The following FAM53B variants were observed in gnomAD, a reference collection of about 807,000 sequenced individuals.
FAM53B encodes the protein protein FAM53B.
A neutral mutation model predicts 32.7 loss-of-function variants in FAM53B; 12 were observed. That is an observed-to-expected ratio of 0.37 (90% CI 0.24 to 0.59). The LOEUF is 0.59. Among genes scored for constraint, FAM53B ranks in the 20% least tolerant of loss-of-function variants. The probability of loss-of-function intolerance (pLI) is 0.72; values close to 1 mark genes in which losing one functional copy is unlikely to be tolerated. For missense variants in FAM53B, 477 were observed against 577.7 expected, an observed-to-expected ratio of 0.83 and a Z score of 1.79; for synonymous variants, 234 against 228.7, an observed-to-expected ratio of 1.02 and a Z score of -0.21.
In FAM53B at chr10:124,744,261, G is replaced by C. The variant is rs1046745796; in HGVS notation, c.-423C>G. 31 of 147,426 alleles carry C rather than the reference G, an allele frequency of 2.1e-4. No individual in the cohort carries two copies. The highest frequency in any genetic ancestry group is 7.3e-4 in the African/African-American group (30 of 40,974). The allele number at this position is 147,426 out of a possible 1,614,324, so 9.1% of individuals were successfully genotyped here. ...CGCCGCCGCGGAGCCGCCAGACCGCGGCTGCGTGAACTCGGCCCGGCGCTT... is the reference window on the plus strand; with the variant it reads ...CGCCGCCGCGGAGCCGCCAGACCGCCGCTGCGTGAACTCGGCCCGGCGCTT... On this transcript the variant is annotated 5_prime_UTR_variant, in exon 1 of 5. Transcript: ENST00000337318.
chr10:124,622,446 C>G lies in FAM53B; in HGVS notation c.*796G>C, dbSNP rs533213077. ...AAGGGCTGCCATCTGCTAACCCTGC[C>G]CCAACGGTGGCAGAGCCATGGGGTC... On this transcript the variant is annotated 3_prime_UTR_variant, in exon 5 of 5. Coordinates refer to ENST00000337318, the MANE Select transcript of FAM53B (RefSeq NM_014661.4). 6.6e-6 allele frequency: 1 copy of G among 152,222 alleles called. No homozygotes were observed. Among genetic ancestry groups the G allele is most frequent in the East Asian group, 1.9e-4 (1 of 5,190 alleles). 9.4% of individuals were successfully genotyped at this position (152,222 alleles called of 1,614,324 possible). A position where few individuals can be genotyped will look rare whatever the true frequency, so the allele number is the denominator to read the frequency against.
Position 124,621,888 on chromosome 10 carries a change from G to T in FAM53B, c.*1354C>A, listed in dbSNP as rs1418856839. ...CTCCTAAGCCAGCCCAATTGCTATT[G>T]TTTGCAGAAGACGCCACATTCGCTA... is the stretch of plus-strand genomic sequence containing the variant. On this transcript the variant is annotated 3_prime_UTR_variant, in exon 5 of 5. Transcript: ENST00000337318. 6.6e-6 allele frequency: 1 copy of T among 152,444 alleles called. No individual in the cohort carries two copies. Among genetic ancestry groups the T allele is most frequent in the Non-Finnish European group, 1.5e-5 (1 of 68,050 alleles). 9.4% of individuals were successfully genotyped at this position (152,444 alleles called of 1,614,324 possible).
intron 1 of FAM53B, among the ~76,000 whole-genome samples, chr10:124,729,585 C>A (rs903442975): frequency 5.3e-5 from 8 of 152,172 alleles, no homozygotes; most frequent in Admixed American, 5.2e-4. Context: ...GGTTTCCATC[C>A]TGATTACAGA....
chr10:124,674,112 TAC>T, intron 4 of FAM53B, among the ~76,000 whole-genome samples: 1 of 152,278 alleles, frequency 6.6e-6, no homozygotes, highest in African/African-American at 2.4e-5. Flanking sequence ...CCCTCAGAGT[TAC>T]AGAGCCCGGG....
At chr10:124,698,758 G>C (rs538761669) in intron 2 of FAM53B, among the ~76,000 whole-genome samples, 1 of 151,748 alleles carries the variant, frequency 6.6e-6, no homozygotes, top group East Asian at 1.9e-4. Flanking sequence ...CTGTACCCTC[G>C]GCCCCCATTC....
At chr10:124,656,040 T>C (rs1281984870) in intron 4 of FAM53B, among the ~76,000 whole-genome samples, 1 of 152,188 alleles carries the variant, frequency 6.6e-6, no homozygotes, top group East Asian at 1.9e-4. Context: ...TTTTTCCTGC[T>C]CTACAGTACC....
Position 124,682,258 on chromosome 10 carries a change from G to C in FAM53B, c.255C>G (p.Thr85=), listed in dbSNP as rs758820663. ...TGATCAGACTGGTCACAGCGCAGGC[G>C]GTCACTGCCTCCCGGTGCCATAGTG... ...DSSLWHREAV[T]ACAVTSLIKD... The change falls in exon 4 of 5, where the codon ACC becomes ACG. Residue 85 remains threonine, a synonymous_variant. Transcript: ENST00000337318. This position sits in a 1 kb window ranked among gnomAD's most constrained non-coding sequence, Gnocchi z 5.2. 2 of 1,614,010 alleles carry C rather than the reference G, an allele frequency of 1.2e-6. No homozygotes were observed. The highest frequency in any genetic ancestry group is 1.1e-5 in the South Asian group (1 of 91,066).
At chr10:124,694,491 A>G (rs1416097189) in intron 3 of FAM53B, among the ~76,000 whole-genome samples, 1 of 152,188 alleles carries the variant, frequency 6.6e-6, no homozygotes, top group Admixed American at 6.5e-5. Context: ...ACCTTATTAT[A>G]ACTTACACAG....
At chr10:124,659,801 A>T (rs1467340151) in intron 4 of FAM53B, among the ~76,000 whole-genome samples, 1 of 152,236 alleles carries the variant, frequency 6.6e-6, no homozygotes, top group East Asian at 1.9e-4. Context: ...GCCAGAGTCA[A>T]CTTTGCTTTT....
At position 124,717,691 on chromosome 10, in the gene FAM53B, C is replaced by T. The variant is rs151320060; in HGVS notation, c.-174-10804G>A. 3.4e-4 allele frequency among the ~76,000 whole-genome samples: 51 copies of T among 152,222 alleles called. No individual in the cohort carries two copies. In the East Asian group the frequency reaches 6.2e-3, roughly 18 times the overall value. On this transcript the variant is annotated intron_variant, in intron 1 of 4. Coordinates refer to ENST00000337318, the MANE Select transcript of FAM53B (RefSeq NM_014661.4). ...CATGGGGTGAGGATGGGGATGTATG[C>T]GTGATTGCATTTTCCAAGCTCAATC...
chr10:124,743,976 G>GGCCACC (rs940862732), intron 1 of FAM53B, 37 bp downstream of exon 1: 3 of 148,952 alleles, frequency 2.0e-5, no homozygotes, highest in African/African-American at 7.3e-5. Context: ...CCAGCCCCCC[G>GGCCACC]GCCACCGCCG....
At chr10:124,736,690 C>G (rs975755765) in intron 1 of FAM53B, among the ~76,000 whole-genome samples, 1 of 152,238 alleles carries the variant, frequency 6.6e-6, no homozygotes, top group African/African-American at 2.4e-5. Context: ...GTGGCCTCCA[C>G]GGGGTGGGGG....
At chr10:124,669,565 A>G (rs937968122) in intron 4 of FAM53B, among the ~76,000 whole-genome samples, 1 of 152,230 alleles carries the variant, frequency 6.6e-6, no homozygotes, top group South Asian at 2.1e-4. Context: ...CCTGAGCACC[A>G]GGTCCTGGGC....
intron 4 of FAM53B, among the ~76,000 whole-genome samples, chr10:124,671,574 GA>G (rs1949707168): frequency 6.6e-6 from 1 of 152,204 alleles, no homozygotes; most frequent in African/African-American, 2.4e-5. Flanking sequence ...CTCCAGCAGG[GA>G]AACAGCGGGG....
chr10:124,629,372 A>T (rs554952310), intron 4 of FAM53B, among the ~76,000 whole-genome samples: 48 of 152,256 alleles, frequency 3.2e-4, no homozygotes, highest in African/African-American at 1.1e-3. Context: ...TCATGGCGGG[A>T]CCAGCTGCGT....
intron 1 of FAM53B, among the ~76,000 whole-genome samples, chr10:124,738,338 T>C (rs960889182): frequency 6.6e-6 from 1 of 151,714 alleles, no homozygotes; most frequent in Admixed American, 6.6e-5. Flanking sequence ...TAATTGGGCC[T>C]GAATGCAGCC....
chr10:124,667,485 GT>G (rs1252717994), intron 4 of FAM53B: 8 of 732,448 alleles, frequency 1.1e-5, no homozygotes, highest in Non-Finnish European at 2.0e-5. Flanking sequence ...CCTGCCAACA[GT>G]CAGCAGCCCA....
intron 4 of FAM53B, among the ~76,000 whole-genome samples, chr10:124,677,909 G>T (rs957457236): frequency 4.6e-5 from 7 of 152,190 alleles, no homozygotes; most frequent in African/African-American, 7.2e-5. Flanking sequence ...CTCTGACAAG[G>T]GGGGGTGAAT....
At position 124,621,614 on chromosome 10, in the gene FAM53B, G is replaced by A. The variant is rs1426276511; in HGVS notation, c.*1628C>T. ...TTTAAGAAGTGCCACCCACATATTG[G>A]GAACTTGAACCACCATCCTTTTGAT... On this transcript the variant is annotated 3_prime_UTR_variant, in exon 5 of 5. Transcript: ENST00000337318. 6.6e-6 allele frequency: 1 copy of A among 152,156 alleles called. No individual in the cohort carries two copies. The highest frequency in any genetic ancestry group is 1.5e-5 in the Non-Finnish European group (1 of 68,038). The allele number at this position is 152,156 out of a possible 1,614,324, so 9.4% of individuals were successfully genotyped here.
Sources: gnomAD v4.1 joint callset for allele counts (sites outside exome capture counted in the v4.1 genomes callset) on GRCh38, gnomAD v4.1.1 for gene constraint, Gnocchi (gnomAD v3.1) non-coding constraint, MANE v1.5 for transcripts, NCBI Gene and HGNC (gene_info 2026-07-23, HGNC 2026-07-21) for gene names.